Variants in SASH1 observed in about 807,000 individuals in gnomAD.
SASH1 encodes the protein SAM and SH3 domain containing 1, also known as SAM and SH3 domain-containing protein 1.
Under a neutral mutation model 125.2 loss-of-function variants are expected in SASH1, and 44 were observed. The observed-to-expected ratio is 0.35, with a 90% CI of 0.28 to 0.45. SASH1 has a LOEUF of 0.45. Among genes scored for constraint, SASH1 ranks in the 20% least tolerant of loss-of-function variants. SASH1 has a pLI of 1.00. For synonymous variants in SASH1, 639 were observed against 649.1 expected (o/e 0.98, Z 0.24); for missense variants, 1,426 against 1,614.5 (o/e 0.88, Z 2.00).
At chr6:148,542,028 A>G (rs767675058) in intron 17 of SASH1, among the ~76,000 whole-genome samples, 8 of 152,282 alleles carry the variant, frequency 5.3e-5, no homozygotes, top group East Asian at 1.9e-4. Flanking sequence ...TAACCTTTTC[A>G]TATCCAAAAC....
intron 8 of SASH1, among the ~76,000 whole-genome samples, chr6:148,502,384 A>G (rs1359039755): frequency 6.6e-6 from 1 of 152,200 alleles, no homozygotes; most frequent in Non-Finnish European, 1.5e-5. Flanking sequence ...AGTGTGTTTC[A>G]TATTTTCTAC....
At chr6:148,329,885 T>C (rs1275615802) in intron 1 of SASH1, among the ~76,000 whole-genome samples, 1 of 152,074 alleles carries the variant, frequency 6.6e-6, no homozygotes. Flanking sequence ...AATGGGAGTG[T>C]CTCTTTGTAA....
At chr6:148,326,036 T>C (rs1780785540) in intron 1 of SASH1, among the ~76,000 whole-genome samples, 1 of 125,354 alleles carries the variant, frequency 8.0e-6, no homozygotes, top group Admixed American at 9.1e-5. Flanking sequence ...CTCTTGAACT[T>C]TTTTTTTTTT....
chr6:148,309,103 A>AAAAAAAAAAT (rs60194902), intron 1 of SASH1, among the ~76,000 whole-genome samples: 1 of 143,608 alleles, frequency 7.0e-6, no homozygotes, highest in African/African-American at 2.6e-5. Flanking sequence ...AAAAAAAAAA[A>AAAAAAAAAAT]GATTCTCTTT....
chr6:148,446,865 TA>T (rs1562417481), intron 4 of SASH1, among the ~76,000 whole-genome samples: 1 of 152,170 alleles, frequency 6.6e-6, no homozygotes. Flanking sequence ...TAAGAAGCAG[TA>T]CACAGATTTG....
the SASH1 span, among the ~76,000 whole-genome samples, chr6:148,200,985 C>T: frequency 6.6e-6 from 1 of 152,306 alleles, no homozygotes; most frequent in South Asian, 2.1e-4. Flanking sequence ...CACTTCCTCT[C>T]CACTGGTGAG....
the SASH1 span, among the ~76,000 whole-genome samples, chr6:148,258,550 C>T: frequency 6.6e-6 from 1 of 152,148 alleles, no homozygotes; most frequent in African/African-American, 2.4e-5. Context: ...CTGCCTCAAA[C>T]TCACACAGGA....
At chr6:148,317,774 A>G (rs145629054) in intron 1 of SASH1, among the ~76,000 whole-genome samples, 1 of 152,338 alleles carries the variant, frequency 6.6e-6, no homozygotes, top group African/African-American at 2.4e-5. Context: ...TTTGTTGGAT[A>G]CTGGATCCAT....
At chr6:148,501,217 A>G (rs1193648183) in intron 8 of SASH1, among the ~76,000 whole-genome samples, 1 of 152,034 alleles carries the variant, frequency 6.6e-6, no homozygotes, top group Non-Finnish European at 1.5e-5. Context: ...ATTTGCCTAG[A>G]CAAGGTTGTT....
At chr6:148,445,344 A>G (rs1337921844) in intron 4 of SASH1, among the ~76,000 whole-genome samples, 1 of 152,160 alleles carries the variant, frequency 6.6e-6, no homozygotes, top group South Asian at 2.1e-4. Context: ...TGCCTCTGAC[A>G]TACCTGCTTT....
chr6:148,412,108 T>TCTC (rs1300100425), intron 2 of SASH1, among the ~76,000 whole-genome samples: 1 of 152,088 alleles, frequency 6.6e-6, no homozygotes. Flanking sequence ...GTTGAAGGAA[T>TCTC]ATATATATAT....
chr6:148,475,115 C>T (rs1425117770), intron 7 of SASH1, among the ~76,000 whole-genome samples: 2 of 152,152 alleles, frequency 1.3e-5, no homozygotes, highest in Non-Finnish European at 1.5e-5. Context: ...TGTTGTTGAA[C>T]AACAAACCCA....
At chr6:148,416,792 C>T (rs956379524) in intron 2 of SASH1, among the ~76,000 whole-genome samples, 2 of 152,192 alleles carry the variant, frequency 1.3e-5, no homozygotes, top group African/African-American at 2.4e-5. Context: ...TTCTTAGCAA[C>T]CTTGGGTTTT....
intron 10 of SASH1, 188 bp downstream of exon 10, chr6:148,520,081 A>G (rs1583293128): frequency 1.7e-6 from 1 of 578,464 alleles, no homozygotes; most frequent in Non-Finnish European, 3.1e-6. Flanking sequence ...ACCACCTGTG[A>G]CCTGCAGCTG....
intron 16 of SASH1, among the ~76,000 whole-genome samples, chr6:148,536,695 G>A (rs1781868345): frequency 6.6e-6 from 1 of 152,162 alleles, no homozygotes; most frequent in Non-Finnish European, 1.5e-5. Context: ...CACAGCTTTG[G>A]AGGAGAAAAG....
chr6:148,320,795 T>A (rs1178671115), intron 1 of SASH1, among the ~76,000 whole-genome samples: 4 of 152,196 alleles, frequency 2.6e-5, no homozygotes, highest in Non-Finnish European at 4.4e-5. Flanking sequence ...TCACTTGTGT[T>A]TTTTAAAACA....
At chr6:148,494,377 T>C (rs996644203) in intron 8 of SASH1, among the ~76,000 whole-genome samples, 11 of 152,218 alleles carry the variant, frequency 7.2e-5, no homozygotes, top group African/African-American at 2.7e-4. Context: ...TGTGTTTCTG[T>C]AGCTGGAGTT....
At chr6:148,354,965 G>T (rs1781872713) in intron 1 of SASH1, among the ~76,000 whole-genome samples, 1 of 152,064 alleles carries the variant, frequency 6.6e-6, no homozygotes, top group Admixed American at 6.6e-5. Flanking sequence ...CACCATGTTG[G>T]CCAGGCTGGT....
At chr6:148,219,728 G>A in the SASH1 span, among the ~76,000 whole-genome samples, 32 of 152,300 alleles carry the variant, frequency 2.1e-4, no homozygotes, top group African/African-American at 7.2e-4. Context: ...GGACACCTGA[G>A]ACCCTGCTGC....
Sources: gnomAD v4.1 joint callset for allele counts (sites outside exome capture counted in the v4.1 genomes callset) on GRCh38, gnomAD v4.1.1 for gene constraint, MANE v1.5 for transcripts, NCBI Gene and HGNC (gene_info 2026-07-23, HGNC 2026-07-21) for gene names.